CLCA1: variants seen among roughly 807,000 people sequenced by gnomAD.
The protein encoded by CLCA1 is chloride channel accessory 1.
In CLCA1, 59 loss-of-function variants were observed where a neutral mutation model predicts 85.6. The ratio of observed to expected loss-of-function variants is 0.69; its 90% CI spans 0.56 to 0.86. CLCA1 has a LOEUF of 0.86. CLCA1 is among the 40% of genes least tolerant of loss of function. The pLI is 0.00. For synonymous variants in CLCA1, 396 were observed against 398.3 expected (o/e 0.99, Z 0.07); for missense variants, 1,022 against 1,101.4 (o/e 0.93, Z 1.02).
At chr1:86,494,814 C>G (rs1461598822) in intron 11 of CLCA1, among the ~76,000 whole-genome samples, 1 of 152,062 alleles carries the variant, frequency 6.6e-6, no homozygotes, top group South Asian at 2.1e-4. Context: ...TGTGTGTATA[C>G]ACAAATACAT....
In CLCA1 at chr1:86,473,844, C is replaced by A; in HGVS notation, c.419C>A (p.Ala140Glu). 1 of 1,608,294 alleles carries A rather than the reference C, an allele frequency of 6.2e-7. No homozygotes were observed. Among genetic ancestry groups the A allele is most frequent in the Non-Finnish European group, 8.5e-7 (1 of 1,177,580 alleles). Residue 140 changes from alanine to glutamate, a missense_variant, in exon 3 of 14, where the codon GCA becomes GAA. Coordinates refer to ENST00000394711, the MANE Select transcript of CLCA1 (RefSeq NM_001285.4). ...ATCCACCTCACTCCTGATTTCATTG[C>A]AGGAAAAAAGTTAGCTGAATATGGA... ...ERIHLTPDFI[A>E]GKKLAEYGPQ...
chr1:86,499,893 T>C lies in CLCA1; in HGVS notation c.2593T>C (p.Phe865Leu), dbSNP rs1324653190. 1.2e-6 allele frequency: 2 copies of C among 1,614,108 alleles called. No homozygotes were observed. The highest frequency in any genetic ancestry group is 1.7e-5 in the Admixed American group (1 of 60,012). The change falls in exon 14 of 14, where the codon TTT (phenylalanine) becomes CTT (leucine). Residue 865 changes from phenylalanine to leucine, a missense_variant. Transcript: ENST00000394711. ...ATCCAACATTGCACGAGTATCTTTG[T>C]TTATTCCTCCACAGACTCCGCCAGA... ...EISNIARVSL[F>L]IPPQTPPETP... is the part of the protein sequence containing the mutation.
chr1:86,491,427 G>A, intron 9 of CLCA1, 56 bp downstream of exon 9: 1 of 1,231,412 alleles, frequency 8.1e-7, no homozygotes, highest in South Asian at 1.3e-5. Flanking sequence ...AGCCAAGATG[G>A]AGAATTTAAT....
intron 5 of CLCA1, 118 bp from the exon 6 acceptor site, chr1:86,485,225 C>T (rs952322654): frequency 5.3e-6 from 4 of 750,616 alleles, no homozygotes; most frequent in African/African-American, 5.3e-5. Context: ...CACTGTTCCA[C>T]AGTGATTGTG....
chr1:86,484,319 G>C (rs1175188747), intron 5 of CLCA1, among the ~76,000 whole-genome samples: 1 of 152,222 alleles, frequency 6.6e-6, no homozygotes, highest in Non-Finnish European at 1.5e-5. Context: ...TTTCGGAAGT[G>C]ACTTTTTGGC....
At chr1:86,498,928 C>T (rs1410494237) in intron 13 of CLCA1, 117 bp downstream of exon 13, 1 of 1,114,376 alleles carries the variant, frequency 9.0e-7, no homozygotes, top group Non-Finnish European at 1.3e-6. Context: ...CAGGAGGGAT[C>T]TTGCCGGTCC....
At position 86,495,624 on chromosome 1, in the gene CLCA1, G is replaced by A. The variant is rs566492008; in HGVS notation, c.2062G>A (p.Val688Met). ...LGGVNAARRR[V>M]IPQQSGALYI... ...AGGAGTTAACGCAGCCAGACGGAGA[G>A]TGATACCCCAGCAGAGTGGAGCACT... The change falls in exon 12 of 14, where the codon GTG (valine) becomes ATG (methionine). Residue 688 changes from valine to methionine, a missense_variant. Transcript: ENST00000394711. 6.2e-7 allele frequency: 1 copy of A among 1,614,158 alleles called. No individual in the cohort carries two copies. The highest frequency in any genetic ancestry group is 1.1e-5 in the South Asian group (1 of 91,084).
At chr1:86,487,073 T>A (rs1367414366) in intron 7 of CLCA1, among the ~76,000 whole-genome samples, 1 of 152,246 alleles carries the variant, frequency 6.6e-6, no homozygotes, top group Non-Finnish European at 1.5e-5. Flanking sequence ...CCAGCTCACA[T>A]GGCCTGATGT....
chr1:86,470,756 G>T (rs1647478985), intron 1 of CLCA1, among the ~76,000 whole-genome samples: 2 of 152,108 alleles, frequency 1.3e-5, no homozygotes, highest in African/African-American at 4.8e-5. Context: ...TGATGTTCCA[G>T]ATCTGCAGAG....
rs545892276 is a variant in CLCA1, at chr1:86,485,090, T to G, written c.736-253T>G. The stretch of plus-strand genomic sequence containing the variant: ...GCAGTGATGGCTTGAAATGGTAAAT[T>G]TGAGGAGTAGGAAGGAAACCAAAAA... On this transcript the variant is annotated intron_variant, in intron 5 of 13. Transcript: ENST00000394711. Among the ~76,000 whole-genome samples, 10 of 151,868 alleles carry G rather than the reference T, an allele frequency of 6.6e-5. No homozygotes were observed. The East Asian group carries it at 1.9e-3, about 29-fold the overall frequency.
intron 12 of CLCA1, 90 bp from the exon 13 acceptor site, chr1:86,498,482 C>G: frequency 7.7e-7 from 1 of 1,299,480 alleles, no homozygotes; most frequent in South Asian, 1.4e-5. Context: ...AAGTGGGGAA[C>G]AGGAAGAGGG....
chr1:86,473,933 T>TTGATACACTTTG, intron 3 of CLCA1, 57 bp downstream of exon 3: 1 of 1,274,794 alleles, frequency 7.8e-7, no homozygotes, highest in Non-Finnish European at 1.1e-6. Flanking sequence ...GTTCAAAGTG[T>TTGATACACTTTG]ATCAACACTA....
At position 86,476,962 on chromosome 1, in the gene CLCA1, C is replaced by T. The variant is rs376575335; in HGVS notation, c.557+409C>T. ...TCTTACTCTGTCACCCAGGCTGGAG[C>T]GCAGTGATGCAATCACAGCTCACTC... is the stretch of plus-strand genomic sequence containing the variant. On this transcript the variant is annotated intron_variant, in intron 4 of 13. Transcript: ENST00000394711. Among the ~76,000 whole-genome samples, 25 of 152,230 alleles carry T rather than the reference C, an allele frequency of 1.6e-4. No individual in the cohort carries two copies. The East Asian group carries it at 2.9e-3, about 18-fold the overall frequency.
intron 7 of CLCA1, among the ~76,000 whole-genome samples, 190 bp from the exon 8 acceptor site, chr1:86,488,806 A>G (rs1648057319): frequency 6.6e-6 from 1 of 152,208 alleles, no homozygotes; most frequent in Non-Finnish European, 1.5e-5. Context: ...GGGGAAAGAC[A>G]GCGGTCAAGT....
intron 5 of CLCA1, among the ~76,000 whole-genome samples, chr1:86,484,833 G>A (rs979383012): frequency 4.7e-5 from 6 of 127,714 alleles, no homozygotes; most frequent in Non-Finnish European, 6.9e-5. Flanking sequence ...TACCTGAGGA[G>A]GAGGAGCAGA....
chr1:86,492,068 C>A (rs1010843182), intron 9 of CLCA1, among the ~76,000 whole-genome samples: 2 of 152,156 alleles, frequency 1.3e-5, no homozygotes, highest in Admixed American at 6.5e-5. Context: ...TTAGTAATTG[C>A]AGAAATTATT....
chr1:86,482,710 T>C (rs543086707), intron 5 of CLCA1, among the ~76,000 whole-genome samples: 1 of 152,346 alleles, frequency 6.6e-6, no homozygotes, highest in South Asian at 2.1e-4. Context: ...AGGCAGTTCC[T>C]TTTATTAGTT....
chr1:86,482,664 A>G (rs1175725318), intron 5 of CLCA1, among the ~76,000 whole-genome samples: 3 of 152,198 alleles, frequency 2.0e-5, no homozygotes, highest in South Asian at 2.1e-4. Flanking sequence ...AAGCACACAC[A>G]TTCTTACTTA....
At chr1:86,485,175 T>C (rs1390972439) in intron 5 of CLCA1, among the ~76,000 whole-genome samples, 168 bp from the exon 6 acceptor site, 1 of 152,104 alleles carries the variant, frequency 6.6e-6, no homozygotes, top group African/African-American at 2.4e-5. Flanking sequence ...AGGCCTGGTT[T>C]AAGGTAGGAA....
Sources: gnomAD v4.1 joint callset for allele counts (sites outside exome capture counted in the v4.1 genomes callset) on GRCh38, gnomAD v4.1.1 for gene constraint, MANE v1.5 for transcripts, NCBI Gene and HGNC (gene_info 2026-07-23, HGNC 2026-07-21) for gene names.